VPS53: variants seen among roughly 807,000 people sequenced by gnomAD.
The protein encoded by VPS53 is vacuolar protein sorting-associated protein 53 homolog.
A neutral mutation model predicts 107.0 loss-of-function variants in VPS53; 70 were observed. The ratio of observed to expected loss-of-function variants is 0.65; its 90% CI spans 0.54 to 0.80. The LOEUF is 0.80. VPS53 is among the 30% of genes least tolerant of loss of function. The pLI is 0.00. For synonymous variants in VPS53, 409 were observed against 393.3 expected (o/e 1.04, Z -0.47); for missense variants, 917 against 1,049.4 (o/e 0.87, Z 1.74).
intron 7 of VPS53, among the ~76,000 whole-genome samples, chr17:633,931 T>G (rs910459252): frequency 1.1e-4 from 17 of 152,216 alleles, no homozygotes; most frequent in Non-Finnish European, 2.1e-4. Context: ...GCCCCCCCTG[T>G]TCCTACCCTC....
At chr17:647,971 G>A (rs776759355) in intron 7 of VPS53, among the ~76,000 whole-genome samples, 14 of 152,318 alleles carry the variant, frequency 9.2e-5, no homozygotes, top group South Asian at 4.1e-4. Flanking sequence ...CACCCACACC[G>A]TGAATGCGTG....
At chr17:543,819 G>GGAAA (rs1910905599) in intron 17 of VPS53, among the ~76,000 whole-genome samples, 1 of 52,062 alleles carries the variant, frequency 1.9e-5, no homozygotes, top group Admixed American at 1.5e-4. Flanking sequence ...AAGGAAGGGA[G>GGAAA]GGAGGGAGGG....
At chr17:585,366 T>A (rs2586118) in intron 13 of VPS53, among the ~76,000 whole-genome samples, 140,544 of 152,304 alleles carry the variant, frequency 0.92, 64,966 homozygotes, top group African/African-American at 0.97. Flanking sequence ...CAAAGAAAAC[T>A]TGAGGAATGG....
chr17:645,565 C>A (rs1202287836), intron 7 of VPS53, among the ~76,000 whole-genome samples: 1 of 152,188 alleles, frequency 6.6e-6, no homozygotes, highest in East Asian at 1.9e-4. Flanking sequence ...GGTGTCATAT[C>A]CAAGAAACTG....
intron 10 of VPS53, among the ~76,000 whole-genome samples, chr17:626,081 C>T (rs1353481583): frequency 6.6e-6 from 1 of 152,078 alleles, no homozygotes; most frequent in Admixed American, 6.6e-5. Context: ...TGGTGGCACA[C>T]ACCTGTCATC....
At chr17:558,939 G>A (rs982617921) in intron 15 of VPS53, among the ~76,000 whole-genome samples, 3 of 151,478 alleles carry the variant, frequency 2.0e-5, no homozygotes, top group Admixed American at 1.3e-4. Flanking sequence ...AGGCTGCAAT[G>A]AGCCAAGATC....
In VPS53 at chr17:517,317, T is replaced by C; in HGVS notation, c.*1811A>G. 1 of 396,440 alleles carries C rather than the reference T, an allele frequency of 2.5e-6. No homozygotes were observed. The highest frequency in any genetic ancestry group is 4.4e-6 in the Non-Finnish European group (1 of 224,790). The allele number at this position is 396,440 out of a possible 1,614,324, so 24.6% of individuals were successfully genotyped here. A position where few individuals can be genotyped will look rare whatever the true frequency, so the allele number is the denominator to read the frequency against. On this transcript the variant is annotated 3_prime_UTR_variant, in exon 22 of 22. Coordinates refer to ENST00000437048, the MANE Select transcript of VPS53 (RefSeq NM_001128159.3). Reference sequence around the variant, plus strand: ...GTCAAACCAGCTAGCAAGGACAGCCTGGAAGCCGATGAAGAAATGACACTC... The same window carrying C: ...GTCAAACCAGCTAGCAAGGACAGCCCGGAAGCCGATGAAGAAATGACACTC...
chr17:634,928 G>C (rs541743024), intron 7 of VPS53, among the ~76,000 whole-genome samples: 9 of 151,846 alleles, frequency 5.9e-5, no homozygotes, highest in Admixed American at 5.2e-4. Context: ...GGGTGGCTGG[G>C]TCAAATGGTA....
intron 13 of VPS53, among the ~76,000 whole-genome samples, chr17:564,464 C>T (rs1361940845): frequency 2.0e-5 from 3 of 149,028 alleles, no homozygotes; most frequent in East Asian, 2.0e-4. Flanking sequence ...GGCATGAACC[C>T]GGGAGGCGGA....
At chr17:681,099 C>A (rs958209662) in intron 4 of VPS53, among the ~76,000 whole-genome samples, 1 of 151,906 alleles carries the variant, frequency 6.6e-6, no homozygotes. Context: ...ACTATATTTT[C>A]CCCCCAGACA....
chr17:587,319 T>C (rs990034950), intron 12 of VPS53, among the ~76,000 whole-genome samples: 36 of 152,194 alleles, frequency 2.4e-4, no homozygotes, highest in African/African-American at 8.4e-4. Flanking sequence ...CACCTCTACC[T>C]CCCAAAGTGC....
chr17:597,512 T>A (rs1249275843), intron 12 of VPS53, among the ~76,000 whole-genome samples: 3 of 152,148 alleles, frequency 2.0e-5, no homozygotes, highest in Non-Finnish European at 2.9e-5. Flanking sequence ...TAATAGCCCA[T>A]GAAATGGTGG....
At chr17:661,669 A>G in intron 5 of VPS53, 140 bp downstream of exon 5, 1 of 736,148 alleles carries the variant, frequency 1.4e-6, no homozygotes, top group East Asian at 2.7e-5. Context: ...ACGCATTCAT[A>G]GGGGGCTTGC....
intron 11 of VPS53, 81 bp downstream of exon 11, chr17:623,450 TAG>T (rs1306724651): frequency 2.0e-6 from 3 of 1,498,844 alleles, no homozygotes; most frequent in South Asian, 2.6e-5. Context: ...AGCCAATGGA[TAG>T]AGTCACCATA....
At chr17:573,455 A>C (rs1007355106) in intron 13 of VPS53, among the ~76,000 whole-genome samples, 4 of 152,126 alleles carry the variant, frequency 2.6e-5, no homozygotes, top group African/African-American at 4.8e-5. Flanking sequence ...ATGCTGCCGG[A>C]ACTTTCCCTT....
Position 517,739 on chromosome 17 carries a change from T to G in VPS53, c.*1389A>C, listed in dbSNP as rs1291918376. 1 of 231,618 alleles carries G rather than the reference T, an allele frequency of 4.3e-6. No individual in the cohort carries two copies. The highest frequency in any genetic ancestry group is 8.3e-6 in the Non-Finnish European group (1 of 121,048). The allele number at this position is 231,618 out of a possible 1,614,324, so 14.3% of individuals were successfully genotyped here. On this transcript the variant is annotated 3_prime_UTR_variant, in exon 22 of 22. Coordinates refer to ENST00000437048, the MANE Select transcript of VPS53 (RefSeq NM_001128159.3). ...TTTCGCCATGTTGGGCAGGCTGGTC[T>G]CGAATTCCTGACCTCAGGTGATCCA...
intron 7 of VPS53, among the ~76,000 whole-genome samples, chr17:651,157 G>C (rs1970931279): frequency 6.6e-6 from 1 of 152,006 alleles, no homozygotes; most frequent in Non-Finnish European, 1.5e-5. Context: ...CACAAATCCG[G>C]AGCGATAGCC....
chr17:635,260 A>C (rs1279826158), intron 7 of VPS53, among the ~76,000 whole-genome samples: 1 of 151,964 alleles, frequency 6.6e-6, no homozygotes, highest in East Asian at 1.9e-4. Context: ...TTTTTCTTGT[A>C]AATTTGTTTG....
intron 18 of VPS53, chr17:536,745 C>G (rs1910101047): frequency 3.0e-6 from 1 of 337,768 alleles, no homozygotes; most frequent in Non-Finnish European, 5.5e-6. Flanking sequence ...AAATGGCGGC[C>G]ACACGTCACT....
Sources: gnomAD v4.1 joint callset for allele counts (sites outside exome capture counted in the v4.1 genomes callset) on GRCh38, gnomAD v4.1.1 for gene constraint, MANE v1.5 for transcripts, NCBI Gene and HGNC (gene_info 2026-07-23, HGNC 2026-07-21) for gene names.